Variants in GALNT17 observed in about 807,000 individuals in gnomAD.
GALNT17 encodes the protein UDP-GalNAc:polypeptide N-acetylgalactosaminyltransferase-like 3.
In GALNT17, 29 loss-of-function variants were observed where a neutral mutation model predicts 63.7. The ratio of observed to expected loss-of-function variants is 0.46; its 90% CI spans 0.34 to 0.62. The LOEUF (loss-of-function observed/expected upper bound fraction) is 0.62, where lower values mean the gene tolerates loss of function less well. Among genes scored for constraint, GALNT17 ranks in the 20% least tolerant of loss-of-function variants. GALNT17 has a pLI of 0.01. For missense variants in GALNT17, 603 were observed against 799.6 expected, an observed-to-expected ratio of 0.75 and a Z score of 2.97; for synonymous variants, 305 against 318.3, an observed-to-expected ratio of 0.96 and a Z score of 0.45.
intron 6 of GALNT17, among the ~76,000 whole-genome samples, chr7:71,607,774 T>C (rs1332081996): frequency 6.6e-6 from 1 of 152,202 alleles, no homozygotes; most frequent in African/African-American, 2.4e-5. Context: ...GAAAACAATC[T>C]ATCCCTTGAT....
intron 1 of GALNT17, among the ~76,000 whole-genome samples, chr7:71,270,940 G>A (rs201469481): frequency 4.5e-4 from 65 of 143,392 alleles, no homozygotes; most frequent in Middle Eastern, 3.6e-3. Context: ...TTTAATCAGA[G>A]AAAAAAAAAA....
chr7:71,176,775 A>G (rs10271414), intron 1 of GALNT17, among the ~76,000 whole-genome samples: 43,534 of 152,020 alleles, frequency 0.29, 10,803 homozygotes, highest in African/African-American at 0.67. Context: ...TGCTGGGGAT[A>G]ATGTGGCCTT....
intron 5 of GALNT17, among the ~76,000 whole-genome samples, chr7:71,459,691 G>A (rs1787417761): frequency 6.6e-6 from 1 of 151,954 alleles, no homozygotes; most frequent in South Asian, 2.1e-4. Context: ...GCCATTCATT[G>A]TGGGGGGGAA....
intron 7 of GALNT17, among the ~76,000 whole-genome samples, chr7:71,666,203 G>A (rs1462241206): frequency 6.6e-6 from 1 of 151,838 alleles, no homozygotes; most frequent in South Asian, 2.1e-4. Context: ...GTATCCACAG[G>A]GGATTTGTTC....
chr7:71,621,525 GGATGGATGGATTGATGGATTGATGGATA>G (rs1347240303), intron 6 of GALNT17, among the ~76,000 whole-genome samples: 10 of 122,176 alleles, frequency 8.2e-5, no homozygotes, highest in East Asian at 7.8e-4. Context: ...ATGGATGGAT[GGATGGATGGATTGATGGATTGATGGATA>G]GATGGATGGA....
At chr7:71,199,710 CATGT>C (rs1475347205) in intron 1 of GALNT17, among the ~76,000 whole-genome samples, 3 of 118,842 alleles carry the variant, frequency 2.5e-5, no homozygotes, top group African/African-American at 9.5e-5. Context: ...TCCATCCATC[CATGT>C]ATGTGTCCAC....
chr7:71,239,305 A>C (rs7784018), intron 1 of GALNT17, among the ~76,000 whole-genome samples: 26,822 of 92,172 alleles, frequency 0.29, 3,152 homozygotes, highest in African/African-American at 0.51. Context: ...ACCCCCCCCC[A>C]AAAAAAAATA....
intron 5 of GALNT17, among the ~76,000 whole-genome samples, chr7:71,510,548 C>G (rs914891744): frequency 6.6e-6 from 1 of 152,092 alleles, no homozygotes; most frequent in African/African-American, 2.4e-5. Context: ...AGGTCATAAT[C>G]GCTGGGAGAA....
chr7:71,264,813 C>A (rs1178341030), intron 1 of GALNT17, among the ~76,000 whole-genome samples: 1 of 151,720 alleles, frequency 6.6e-6, no homozygotes, highest in Non-Finnish European at 1.5e-5. Flanking sequence ...GCGATAGATA[C>A]CAGAGGCTGG....
At chr7:71,679,044 G>C (rs1353489807) in intron 9 of GALNT17, among the ~76,000 whole-genome samples, 1 of 152,008 alleles carries the variant, frequency 6.6e-6, no homozygotes, top group Non-Finnish European at 1.5e-5. Context: ...GGTGAAAAGT[G>C]CCTGTGGGGA....
chr7:71,134,835 G>GTTTTTTTTTTTTTTTT (rs561383417), intron 1 of GALNT17, among the ~76,000 whole-genome samples: 4 of 57,888 alleles, frequency 6.9e-5, no homozygotes, highest in Non-Finnish European at 8.7e-5. Context: ...TTGTTTTATG[G>GTTTTTTTTTTTTTTTT]TTTTTTTTTT....
rs114177555 is a variant in GALNT17 at position 71,252,910 on chromosome 7, T to C, written c.239-82640T>C. 4.0e-3 allele frequency among the ~76,000 whole-genome samples: 605 copies of C among 152,290 alleles called. 6 individuals are homozygous for C. The highest frequency in any genetic ancestry group is 0.014 in the African/African-American group (574 of 41,558). On this transcript the variant is annotated intron_variant, in intron 1 of 10. Coordinates refer to ENST00000333538, the MANE Select transcript of GALNT17 (RefSeq NM_022479.3). ...GTTCTATTGAGTTTCACCCTGACAA[T>C]GTAAATTAACAGTTTATCTTCACAG...
intron 5 of GALNT17, among the ~76,000 whole-genome samples, chr7:71,537,601 C>A (rs947763306): frequency 1.3e-5 from 2 of 152,110 alleles, no homozygotes; most frequent in African/African-American, 4.8e-5. Flanking sequence ...CACTTGATGT[C>A]AGGAGTTCAA....
rs371679172 is a variant in GALNT17 at position 71,397,940 on chromosome 7, C to CA, written c.589+9539_589+9540insA. Reference sequence around the variant, plus strand: ...TTTGATGGTTTTGCTCCATTATTGTCTTTGTTGTTGTTGTTGTTGTTGTTG... The same window carrying CA: ...TTTGATGGTTTTGCTCCATTATTGTCATTTGTTGTTGTTGTTGTTGTTGTTG... On this transcript the variant is annotated intron_variant, in intron 3 of 10. Transcript: ENST00000333538. Among the ~76,000 whole-genome samples the CA allele has an allele frequency of 4.0e-5, 4 of 99,330 alleles. No homozygotes were observed. In the South Asian group the frequency reaches 1.2e-3, roughly 30 times the overall value. The allele number at this position is 99,330 out of a possible 152,430, so 65.2% of individuals were successfully genotyped here. A position where few individuals can be genotyped will look rare whatever the true frequency, so the allele number is the denominator to read the frequency against.
At chr7:71,491,051 G>A (rs1011724944) in intron 5 of GALNT17, among the ~76,000 whole-genome samples, 9 of 151,798 alleles carry the variant, frequency 5.9e-5, no homozygotes, top group South Asian at 2.1e-4. Context: ...AAAATTAGCC[G>A]GGTAGGGTGG....
chr7:71,372,427 A>G (rs1191446877), intron 2 of GALNT17, among the ~76,000 whole-genome samples: 1 of 151,614 alleles, frequency 6.6e-6, no homozygotes, highest in Non-Finnish European at 1.5e-5. Context: ...AGTCTCCCAA[A>G]GTGCTGGGAT....
chr7:71,388,915 A>G (rs2116345137), intron 3 of GALNT17, among the ~76,000 whole-genome samples: 1 of 152,246 alleles, frequency 6.6e-6, no homozygotes, highest in East Asian at 1.9e-4. Context: ...CCCCAGGGCC[A>G]TGGACCAATA....
At chr7:71,211,122 C>T (rs6979579) in intron 1 of GALNT17, among the ~76,000 whole-genome samples, 74,091 of 151,966 alleles carry the variant, frequency 0.49, 18,383 homozygotes, top group South Asian at 0.67. Flanking sequence ...GTTCTCTTTA[C>T]CTTGGTGATA....
intron 1 of GALNT17, among the ~76,000 whole-genome samples, chr7:71,302,245 C>A (rs906911708): frequency 6.6e-6 from 1 of 152,062 alleles, no homozygotes; most frequent in Non-Finnish European, 1.5e-5. Context: ...CTAATGCATG[C>A]GGGGCTGAAT....
Sources: allele counts gnomAD v4.1 joint callset (sites outside exome capture counted in the v4.1 genomes callset), GRCh38; gene constraint gnomAD v4.1.1; transcripts MANE v1.5; gene names NCBI Gene and HGNC (gene_info 2026-07-23, HGNC 2026-07-21).